The following THADA variants were observed in gnomAD, a reference collection of about 807,000 sequenced individuals.
THADA encodes THADA armadillo repeat containing.
THADA carries 213 observed loss-of-function variants against 219.8 expected under a neutral mutation model. The observed-to-expected ratio is 0.97, with a 90% CI of 0.87 to 1.09. The LOEUF is 1.09. THADA is among the 50% of genes least tolerant of loss of function. The pLI, the probability that THADA is intolerant of heterozygous loss-of-function variation, is 0.00. For missense variants in THADA, 2,956 were observed against 2,311.3 expected (o/e 1.28, Z -5.72); for synonymous variants, 1,018 against 828.9 (o/e 1.23, Z -3.92).
chr2:43,439,391 T>C (rs536793783), intron 26 of THADA, among the ~76,000 whole-genome samples: 1 of 152,324 alleles, frequency 6.6e-6, no homozygotes, highest in South Asian at 2.1e-4. Context: ...ATTTATAAAT[T>C]ATGAGTAGGG....
At chr2:43,345,551 C>CG (rs1268972197) in intron 29 of THADA, among the ~76,000 whole-genome samples, 6 of 152,170 alleles carry the variant, frequency 3.9e-5, no homozygotes, top group Admixed American at 3.9e-4. Context: ...ACCACACCCC[C>CG]GCAGGGACCC....
intron 36 of THADA, among the ~76,000 whole-genome samples, chr2:43,261,826 G>A (rs1378983887): frequency 1.3e-5 from 2 of 152,222 alleles, no homozygotes; most frequent in African/African-American, 4.8e-5. Context: ...TAGTAGAGAC[G>A]GGGTTTCACC....
chr2:43,439,154 T>C (rs1245525474), intron 26 of THADA, among the ~76,000 whole-genome samples: 3 of 152,188 alleles, frequency 2.0e-5, no homozygotes, highest in African/African-American at 7.2e-5. Context: ...TGGTTTCAGT[T>C]TCCCTTGGTC....
At chr2:43,555,388 T>C (rs1034440763) in intron 17 of THADA, among the ~76,000 whole-genome samples, 8 of 149,752 alleles carry the variant, frequency 5.3e-5, no homozygotes, top group Non-Finnish European at 8.8e-5. Context: ...TATTTATATA[T>C]ATTACATGTA....
At chr2:43,297,842 GC>G (rs1456925979) in intron 31 of THADA, among the ~76,000 whole-genome samples, 1 of 108,764 alleles carries the variant, frequency 9.2e-6, no homozygotes, top group African/African-American at 4.5e-5. Flanking sequence ...CAGCCCCCCC[GC>G]CCGGCCAGCC....
intron 30 of THADA, among the ~76,000 whole-genome samples, chr2:43,337,692 C>G (rs1428530704): frequency 7.0e-6 from 1 of 143,712 alleles, no homozygotes; most frequent in African/African-American, 2.6e-5. Context: ...CACACACACT[C>G]ATACACACAC....
chr2:43,558,946 C>T (rs1444779306), intron 16 of THADA, among the ~76,000 whole-genome samples: 1 of 152,008 alleles, frequency 6.6e-6, no homozygotes, highest in Non-Finnish European at 1.5e-5. Flanking sequence ...TGTCAATATA[C>T]CAAGCACGGG....
At chr2:43,288,060 A>G (rs528965761) in intron 34 of THADA, among the ~76,000 whole-genome samples, 130 of 152,328 alleles carry the variant, frequency 8.5e-4, no homozygotes, top group Non-Finnish European at 1.5e-3. Flanking sequence ...GTCAAGATAC[A>G]TTGGCTTTGG....
intron 15 of THADA, chr2:43,563,957 A>G (rs956921557): frequency 3.3e-5 from 5 of 152,206 alleles, no homozygotes; most frequent in African/African-American, 1.2e-4. Context: ...GCCCAATTAC[A>G]TGCAACTCAT....
chr2:43,527,866 A>T lies in THADA; in HGVS notation c.3374+13T>A. 1 of 1,546,788 alleles carries T rather than the reference A, an allele frequency of 6.5e-7. No individual in the cohort carries two copies. The highest frequency in any genetic ancestry group is 8.9e-7 in the Non-Finnish European group (1 of 1,122,276). On this transcript the variant is annotated intron_variant, in intron 22 of 37. Coordinates refer to ENST00000405975, the MANE Select transcript of THADA (RefSeq NM_022065.5). Reference sequence around the variant, plus strand: ...GTCTTTTTAAAACGTACACAAAAGGATATTTGTTTTACCTGTTTAGTACTT... The same window carrying T: ...GTCTTTTTAAAACGTACACAAAAGGTTATTTGTTTTACCTGTTTAGTACTT...
At chr2:43,535,286 T>A (rs1265378844) in intron 21 of THADA, among the ~76,000 whole-genome samples, 2 of 151,542 alleles carry the variant, frequency 1.3e-5, no homozygotes, top group African/African-American at 4.8e-5. Context: ...CTGAAGTTTA[T>A]CTTTTGGCTC....
At chr2:43,502,116 CATTAA>C (rs1198417234) in intron 24 of THADA, among the ~76,000 whole-genome samples, 2 of 150,972 alleles carry the variant, frequency 1.3e-5, no homozygotes, top group Non-Finnish European at 2.9e-5. Flanking sequence ...AAATGGCAAA[CATTAA>C]ATTATTTTAT....
intron 29 of THADA, among the ~76,000 whole-genome samples, chr2:43,350,153 G>A (rs913943853): frequency 3.3e-5 from 5 of 152,186 alleles, no homozygotes; most frequent in Non-Finnish European, 5.9e-5. Flanking sequence ...AGTTGGGAAT[G>A]TGAATATTTA....
intron 29 of THADA, among the ~76,000 whole-genome samples, chr2:43,358,617 T>C (rs933450905): frequency 3.9e-5 from 6 of 152,234 alleles, no homozygotes; most frequent in African/African-American, 1.2e-4. Context: ...ATTTGCCTTG[T>C]AAAGAGAGAC....
rs544925095 is a variant in THADA at position 43,529,798 on chromosome 2, G to C, written c.3265-1810C>G. Among the ~76,000 whole-genome samples the C allele has an allele frequency of 2.0e-5, 3 of 152,284 alleles. No individual in the cohort carries two copies. The East Asian group carries it at 5.8e-4, about 29-fold the overall frequency. ...CTATCTCAGCATAGGGACTAGATTA[G>C]TATTCTGCACACATTAGAGATGATA... On this transcript the variant is annotated intron_variant, in intron 21 of 37. Transcript: ENST00000405975.
chr2:43,573,175 CT>C (rs1377433238), intron 11 of THADA, among the ~76,000 whole-genome samples, 183 bp from the exon 12 acceptor site: 1 of 152,054 alleles, frequency 6.6e-6, no homozygotes, highest in Non-Finnish European at 1.5e-5. Context: ...ATGATTTGCC[CT>C]TTTGTCAATC....
rs1688589848 is a variant in THADA at position 43,498,854 on chromosome 2, A to C, written c.3723T>G (p.Gly1241=). 1.2e-6 allele frequency: 2 copies of C among 1,613,044 alleles called. No individual in the cohort carries two copies. The highest frequency in any genetic ancestry group is 1.7e-6 in the Non-Finnish European group (2 of 1,179,550). The stretch of plus-strand genomic sequence containing the variant: ...TTACTGCCCAGACCGGTGATGTAAA[A>C]CCCAGAATTGCAGCCTTAGCTCCAT... The part of the protein sequence containing the change: ...VADGAKAAIL[G]FTSPVWAVRN... Residue 1241 remains glycine, a synonymous_variant, in exon 25 of 38, where the codon GGT becomes GGG. Coordinates refer to ENST00000405975, the MANE Select transcript of THADA (RefSeq NM_022065.5).
At position 43,499,662 on chromosome 2, in the gene THADA, C is replaced by A. The variant is rs143715973; in HGVS notation, c.3622-707G>T. ...AAAGTGATGGCATTATAGGTGTGAG[C>A]CAGCGCACCCGGCCTAAAAAAATGC... On this transcript the variant is annotated intron_variant, in intron 24 of 37. Transcript: ENST00000405975. 4.7e-3 allele frequency among the ~76,000 whole-genome samples: 714 copies of A among 152,224 alleles called. 3 individuals are homozygous for A. Among genetic ancestry groups the A allele is most frequent in the Non-Finnish European group, 7.0e-3 (476 of 68,016 alleles).
chr2:43,527,781 T>C, intron 22 of THADA, 98 bp downstream of exon 22: 4 of 808,018 alleles, frequency 5.0e-6, no homozygotes, highest in South Asian at 1.9e-5. Context: ...CAGGTCTTAT[T>C]CTTTTAAACT....
Sources: allele counts gnomAD v4.1 joint callset (sites outside exome capture counted in the v4.1 genomes callset), GRCh38; gene constraint gnomAD v4.1.1; transcripts MANE v1.5; gene names NCBI Gene and HGNC (gene_info 2026-07-23, HGNC 2026-07-21).